The following MYH14 variants were observed in gnomAD, a reference collection of about 807,000 sequenced individuals.
MYH14 encodes myosin heavy chain 14.
MYH14 carries 123 observed loss-of-function variants against 255.5 expected under a neutral mutation model. The ratio of observed to expected loss-of-function variants is 0.48; its 90% CI spans 0.42 to 0.56. The LOEUF is 0.56. Ranked by LOEUF, MYH14 falls within the 20% of genes least tolerant of loss-of-function variation. MYH14 has a pLI of 0.00. For synonymous variants in MYH14, 1,095 were observed against 1,161.2 expected, an observed-to-expected ratio of 0.94 and a Z score of 1.16; for missense variants, 2,423 against 2,802.3, an observed-to-expected ratio of 0.86 and a Z score of 3.06.
Position 50,293,139 on chromosome 19 carries a change from A to T in MYH14, c.5257-94A>T, listed in dbSNP as rs2036142242. 2 of 886,292 alleles carry T rather than the reference A, an allele frequency of 2.3e-6. No homozygotes were observed. The highest frequency in any genetic ancestry group is 1.8e-6 in the Non-Finnish European group (1 of 541,450). The allele number at this position is 886,292 out of a possible 1,614,324, so 54.9% of individuals were successfully genotyped here. On this transcript the variant is annotated intron_variant, in intron 37 of 42. Coordinates refer to ENST00000642316, the MANE Select transcript of MYH14 (RefSeq NM_001145809.2). This position sits in a 1 kb window ranked among gnomAD's most constrained non-coding sequence, Gnocchi z 4.1. Reference sequence around the variant, plus strand: ...CCAGGGACAGCATGAGAAAAAAGCCAAGAGCCTTGAGGTGTGAGGGACAGA... The same window carrying T: ...CCAGGGACAGCATGAGAAAAAAGCCTAGAGCCTTGAGGTGTGAGGGACAGA...
At chr19:50,224,234 C>T in intron 6 of MYH14, 57 bp downstream of exon 6, 1 of 1,612,208 alleles carries the variant, frequency 6.2e-7, no homozygotes, top group Non-Finnish European at 8.5e-7. Flanking sequence ...CCCGGCCACC[C>T]AATGCATGAT....
intron 2 of MYH14, 82 bp from the exon 3 acceptor site, chr19:50,217,533 G>T: frequency 6.6e-7 from 1 of 1,514,836 alleles, no homozygotes; most frequent in African/African-American, 1.4e-5. Context: ...CTTGTGCAGT[G>T]CACGGCCTGC....
chr19:50,302,666 T>C (rs1416215325), intron 40 of MYH14, among the ~76,000 whole-genome samples: 3 of 151,596 alleles, frequency 2.0e-5, no homozygotes, highest in Non-Finnish European at 2.9e-5. Context: ...TTTGGGAGGC[T>C]GAGGCGGGCA....
chr19:50,230,659 AGAG>A lies in MYH14; in HGVS notation c.973+38_973+40del. The A allele has an allele frequency of 6.6e-7, 1 of 1,523,592 alleles. No homozygotes were observed. Among genetic ancestry groups the A allele is most frequent in the Non-Finnish European group, 8.9e-7 (1 of 1,123,050 alleles). 94.4% of individuals were successfully genotyped at this position (1,523,592 alleles called of 1,614,324 possible). A position where few individuals can be genotyped will look rare whatever the true frequency, so the allele number is the denominator to read the frequency against. On this transcript the variant is annotated intron_variant, in intron 9 of 42. Transcript: ENST00000642316. The surrounding 1 kb of genome is among the most constrained non-coding windows in gnomAD (Gnocchi z 4.7). ...CCCCGTCCTACCCTGCTCACCCGGG[AGAG>A]GGTGGGCACCATGTCTCTCGGGGGC... is the stretch of plus-strand genomic sequence containing the variant.
chr19:50,209,767 C>T (rs112231249), intron 1 of MYH14, among the ~76,000 whole-genome samples: 2 of 123,076 alleles, frequency 1.6e-5, no homozygotes, highest in Non-Finnish European at 3.4e-5. Flanking sequence ...CTGGGCGACA[C>T]AGTGAGACTC....
At chr19:50,223,050 A>G (rs1421320663) in intron 3 of MYH14, 33 bp from the exon 4 acceptor site, 1 of 1,607,130 alleles carries the variant, frequency 6.2e-7, no homozygotes, top group African/African-American at 1.3e-5. Flanking sequence ...AGACTCTCTC[A>G]GATGACATAT....
intron 8 of MYH14, 54 bp downstream of exon 8, chr19:50,227,020 A>G: frequency 3.9e-6 from 6 of 1,548,698 alleles, no homozygotes; most frequent in Non-Finnish European, 5.3e-6. Flanking sequence ...CCTTTCAGAC[A>G]GCACTGAGTA....
At chr19:50,244,673 C>T (rs773928581) in intron 11 of MYH14, among the ~76,000 whole-genome samples, 3 of 151,872 alleles carry the variant, frequency 2.0e-5, no homozygotes, top group Non-Finnish European at 2.9e-5. Context: ...TTAGTAGAGA[C>T]GGAGTGTCAC....
Position 50,263,437 on chromosome 19 carries a change from G to A in MYH14, c.2694+17G>A, listed in dbSNP as rs2034963492. ...TTTACCAAGGTGAGGGCAGCCTGGG[G>A]AGGTGGCCCCAGTAGGGAGAGGATA... is the stretch of plus-strand genomic sequence containing the variant. On this transcript the variant is annotated intron_variant, in intron 22 of 42. Coordinates refer to ENST00000642316, the MANE Select transcript of MYH14 (RefSeq NM_001145809.2). 2.5e-6 allele frequency: 4 copies of A among 1,569,682 alleles called. No homozygotes were observed. The African/African-American group carries it at 5.4e-5, about 21-fold the overall frequency.
chr19:50,276,111 G>A lies in MYH14; in HGVS notation c.3588G>A (p.Glu1196=), dbSNP rs1219857800. 4 of 1,603,922 alleles carry A rather than the reference G, an allele frequency of 2.5e-6. No individual in the cohort carries two copies. The highest frequency in any genetic ancestry group is 3.4e-6 in the Non-Finnish European group (4 of 1,176,148). The part of the protein sequence containing the change: ...ESERVARTKA[E]KQRRDLGEEL... ...AGCGTGTGGCCAGGACCAAGGCGGA[G>A]AAGCAGCGCCGGGACCTGGGCGAGG... Residue 1196 remains glutamate (E), a synonymous_variant, in exon 28 of 43, where the codon GAG becomes GAA. Transcript: ENST00000642316. This position sits in a 1 kb window ranked among gnomAD's most constrained non-coding sequence, Gnocchi z 4.3.
At position 50,210,434 on chromosome 19, in the gene MYH14, G is replaced by A. The variant is rs1161457049; in HGVS notation, c.69G>A (p.Ala23=). ...APPRPGPVPE[A]AQPFLFTPRG... ...CCAGGCCGGGCCCAGTGCCCGAGGC[G>A]GCCCAGCCGTTCCTGTTCACGCCCC... The change falls in exon 2 of 43, where the codon GCG becomes GCA. Residue 23 remains alanine (A), a synonymous_variant. Coordinates refer to ENST00000642316, the MANE Select transcript of MYH14 (RefSeq NM_001145809.2). The A allele has an allele frequency of 1.3e-6, 2 of 1,555,206 alleles. No homozygotes were observed. Among genetic ancestry groups the A allele is most frequent in the South Asian group, 1.2e-5 (1 of 84,652 alleles).
At chr19:50,207,310 A>AGAGAGAGAGAGAGAGG (rs1303059650) in intron 1 of MYH14, among the ~76,000 whole-genome samples, 3 of 148,890 alleles carry the variant, frequency 2.0e-5, no homozygotes, top group East Asian at 2.0e-4. Context: ...AGAGAGAGAG[A>AGAGAGAGAGAGAGAGG]GAGACTAGGG....
chr19:50,306,463 G>A (rs1438824416), intron 40 of MYH14, among the ~76,000 whole-genome samples: 2 of 152,164 alleles, frequency 1.3e-5, no homozygotes. Context: ...GGTCCATGCA[G>A]GAGAGGACAG....
chr19:50,271,265 C>T, intron 24 of MYH14, 144 bp from the exon 25 acceptor site: 1 of 792,432 alleles, frequency 1.3e-6, no homozygotes, highest in Non-Finnish European at 2.0e-6. Flanking sequence ...AGAGTTTGAT[C>T]CTTCCCGGCC....
chr19:50,278,376 A>C, intron 30 of MYH14, 87 bp downstream of exon 30: 11 of 968,814 alleles, frequency 1.1e-5, no homozygotes, highest in African/African-American at 1.6e-5. Context: ...GGTCCATATC[A>C]AACCAATTGT....
chr19:50,289,781 C>T, intron 35 of MYH14, 133 bp downstream of exon 35: 1 of 772,748 alleles, frequency 1.3e-6, no homozygotes, highest in Admixed American at 2.2e-5. Context: ...GCCGACCACT[C>T]AGTATCTCCC....
chr19:50,246,142 T>C (rs2034117418), intron 11 of MYH14, among the ~76,000 whole-genome samples: 1 of 136,358 alleles, frequency 7.3e-6, no homozygotes, highest in Non-Finnish European at 1.6e-5. Context: ...CCTCCTTCCT[T>C]CCTTCCTTCC....
At chr19:50,302,727 T>G (rs957190985) in intron 40 of MYH14, among the ~76,000 whole-genome samples, 7 of 151,408 alleles carry the variant, frequency 4.6e-5, no homozygotes, top group African/African-American at 1.5e-4. Context: ...ATGGAGAAAC[T>G]GCGTCTCTAC....
At chr19:50,246,212 T>C (rs1311159726) in intron 11 of MYH14, among the ~76,000 whole-genome samples, 2 of 150,576 alleles carry the variant, frequency 1.3e-5, no homozygotes, top group Admixed American at 1.3e-4. Flanking sequence ...CCATCTCAGC[T>C]CACTGCAACC....
Sources: gnomAD v4.1 joint callset for allele counts (sites outside exome capture counted in the v4.1 genomes callset) on GRCh38, gnomAD v4.1.1 for gene constraint, Gnocchi (gnomAD v3.1) non-coding constraint, MANE v1.5 for transcripts, NCBI Gene and HGNC (gene_info 2026-07-23, HGNC 2026-07-21) for gene names.